The following IL21R variants were observed in gnomAD, a reference collection of about 807,000 sequenced individuals.
The protein encoded by IL21R is interleukin 21 receptor.
IL21R carries 14 observed loss-of-function variants against 41.3 expected under a neutral mutation model. The observed-to-expected ratio is 0.34, with a 90% CI of 0.22 to 0.53. The LOEUF is 0.53. Ranked by LOEUF, IL21R falls within the 20% of genes least tolerant of loss-of-function variation. The pLI is 0.94. For synonymous variants in IL21R, 286 were observed against 287.6 expected (o/e 0.99, Z 0.05); for missense variants, 588 against 681.6 (o/e 0.86, Z 1.53).
intron 2 of IL21R, among the ~76,000 whole-genome samples, chr16:27,430,493 T>C (rs2141284408): frequency 6.6e-6 from 1 of 152,296 alleles, no homozygotes; most frequent in East Asian, 1.9e-4. Flanking sequence ...AGTTTCTCCT[T>C]ATGTAATGAC....
intron 1 of IL21R, chr16:27,403,040 C>G (rs972701882): frequency 4.6e-5 from 21 of 458,468 alleles, no homozygotes; most frequent in Non-Finnish European, 7.0e-5. Context: ...TTGATTCCAC[C>G]CAGTCATTCA....
chr16:27,436,070 T>A (rs926643869), intron 3 of IL21R, among the ~76,000 whole-genome samples: 4 of 152,152 alleles, frequency 2.6e-5, no homozygotes, highest in African/African-American at 9.7e-5. Context: ...ACTTGAAAAG[T>A]CAGGAGCCCG....
At position 27,430,037 on chromosome 16, in the gene IL21R, C is replaced by T. The variant is rs2087142750; in HGVS notation, c.-16-19C>T. 6.2e-7 allele frequency: 1 copy of T among 1,603,954 alleles called. No homozygotes were observed. The highest frequency in any genetic ancestry group is 1.3e-5 in the African/African-American group (1 of 74,898). ...CCCTGAGCCCGCCTGGCTCACCCTCCACTGTACGTCTCTTGCAGGCCCGTG... is the reference window on the plus strand; with the variant it reads ...CCCTGAGCCCGCCTGGCTCACCCTCTACTGTACGTCTCTTGCAGGCCCGTG... On this transcript the variant is annotated intron_variant, in intron 1 of 8. Coordinates refer to ENST00000337929, the MANE Select transcript of IL21R (RefSeq NM_181078.3).
At chr16:27,420,861 A>T (rs1390795452) in intron 1 of IL21R, among the ~76,000 whole-genome samples, 1 of 152,096 alleles carries the variant, frequency 6.6e-6, no homozygotes, top group Non-Finnish European at 1.5e-5. Context: ...CTTTTGTGTC[A>T]TATTTAAAAA....
chr16:27,418,011 A>ATTTTATTTTATTTTAT (rs1218764300), intron 1 of IL21R, among the ~76,000 whole-genome samples: 1 of 97,900 alleles, frequency 1.0e-5, no homozygotes, highest in African/African-American at 3.1e-5. Context: ...TTCCTATTTT[A>ATTTTATTTTATTTTAT]TTTATTTTAT....
intron 4 of IL21R, among the ~76,000 whole-genome samples, chr16:27,439,401 ACT>A (rs1386790866): frequency 2.0e-5 from 3 of 150,742 alleles, no homozygotes; most frequent in South Asian, 2.1e-4. Context: ...ATACACACAC[ACT>A]CACACATATA....
chr16:27,418,657 G>A (rs149394418), intron 1 of IL21R, among the ~76,000 whole-genome samples: 375 of 152,088 alleles, frequency 2.5e-3, no homozygotes, highest in Admixed American at 5.0e-3. Context: ...GGCATGAGCC[G>A]CTGCGCCCCG....
intron 3 of IL21R, among the ~76,000 whole-genome samples, chr16:27,435,453 T>C (rs923169843): frequency 6.6e-6 from 1 of 151,794 alleles, no homozygotes; most frequent in African/African-American, 2.4e-5. Flanking sequence ...TATTTTATTT[T>C]ATTTTATTTT....
At chr16:27,445,088 C>A in intron 6 of IL21R, 89 bp from the exon 7 acceptor site, 1 of 880,442 alleles carries the variant, frequency 1.1e-6, no homozygotes, top group Non-Finnish European at 1.9e-6. Flanking sequence ...CTCTTCCACT[C>A]TACCCCAGAC....
At chr16:27,421,618 A>G (rs1196949900) in intron 1 of IL21R, among the ~76,000 whole-genome samples, 1 of 152,140 alleles carries the variant, frequency 6.6e-6, no homozygotes, top group Non-Finnish European at 1.5e-5. Context: ...GTATTATTGT[A>G]AATGAAATCA....
chr16:27,418,317 C>G (rs1207915036), intron 1 of IL21R, among the ~76,000 whole-genome samples: 3 of 151,900 alleles, frequency 2.0e-5, no homozygotes, highest in Non-Finnish European at 4.4e-5. Context: ...ATCTGCCCGT[C>G]TCGCCCTTCC....
chr16:27,442,225 CATGT>C (rs1294456346), intron 4 of IL21R, among the ~76,000 whole-genome samples: 6 of 135,238 alleles, frequency 4.4e-5, no homozygotes, highest in Non-Finnish European at 6.2e-5. Context: ...TGTGGGCATG[CATGT>C]GTGTGGGTGT....
chr16:27,419,139 C>T (rs753833234), intron 1 of IL21R, among the ~76,000 whole-genome samples: 2 of 151,990 alleles, frequency 1.3e-5, no homozygotes, highest in African/African-American at 4.8e-5. Flanking sequence ...CACTTGAACC[C>T]GGGAAAACCA....
chr16:27,439,326 GCTCT>G (rs3093404), intron 4 of IL21R, among the ~76,000 whole-genome samples: 2 of 151,400 alleles, frequency 1.3e-5, no homozygotes, highest in Non-Finnish European at 2.9e-5. Flanking sequence ...TCTCTCTCTT[GCTCT>G]CTCTCACTCT....
intron 8 of IL21R, chr16:27,447,575 C>CCA (rs1357177113): frequency 6.6e-6 from 1 of 152,156 alleles, no homozygotes; most frequent in Non-Finnish European, 1.5e-5. Flanking sequence ...AGTTTAAGGG[C>CCA]CACCGCCTCA....
chr16:27,449,062 G>C lies in IL21R; in HGVS notation c.1396G>C (p.Gly466Arg). 6.2e-7 allele frequency: 1 copy of C among 1,612,932 alleles called. No homozygotes were observed. Among genetic ancestry groups the C allele is most frequent in the Non-Finnish European group, 8.5e-7 (1 of 1,179,808 alleles). ...GEDWAGGLPWGGRSPGGVSES... is the reference protein window; with the variant it reads ...GEDWAGGLPWRGRSPGGVSES... ...GGACTGGGCTGGGGGACTGCCCTGG[G>C]GTGGCCGGTCACCTGGAGGGGTCTC... The change falls in exon 9 of 9, where the codon GGT becomes CGT. Residue 466 changes from glycine to arginine, a missense_variant. Coordinates refer to ENST00000337929, the MANE Select transcript of IL21R (RefSeq NM_181078.3).
rs115292953 is a variant in IL21R, at chr16:27,408,492, T to A, written c.-17+5874T>A. On this transcript the variant is annotated intron_variant, in intron 1 of 8. Coordinates refer to ENST00000337929, the MANE Select transcript of IL21R (RefSeq NM_181078.3). Reference sequence around the variant, plus strand: ...AACAGAGAGCCATGGAATGACACGGTTGGAGTAAGAATGGAGTTGGAGGAA... The same window carrying A: ...AACAGAGAGCCATGGAATGACACGGATGGAGTAAGAATGGAGTTGGAGGAA... 3.2e-3 allele frequency among the ~76,000 whole-genome samples: 482 copies of A among 152,126 alleles called. 3 individuals carry two copies. Among genetic ancestry groups the A allele is most frequent in the African/African-American group, 0.011 (457 of 41,472 alleles).
chr16:27,444,746 C>G, intron 6 of IL21R, 27 bp downstream of exon 6: 4 of 1,466,786 alleles, frequency 2.7e-6, no homozygotes, highest in Non-Finnish European at 3.6e-6. Context: ...GATGGACACC[C>G]CACTCCTGGT....
At chr16:27,409,013 T>A (rs926273403) in intron 1 of IL21R, among the ~76,000 whole-genome samples, 5 of 151,990 alleles carry the variant, frequency 3.3e-5, no homozygotes, top group African/African-American at 1.2e-4. Context: ...TTATATAACT[T>A]GGAAGTGGAA....
Sources: allele counts gnomAD v4.1 joint callset (sites outside exome capture counted in the v4.1 genomes callset), GRCh38; gene constraint gnomAD v4.1.1; transcripts MANE v1.5; gene names NCBI Gene and HGNC (gene_info 2026-07-23, HGNC 2026-07-21).